Variants in GNAL observed in about 807,000 individuals in gnomAD.
GNAL encodes guanine nucleotide-binding protein G(olf) subunit alpha.
A neutral mutation model predicts 55.1 loss-of-function variants in GNAL; 18 were observed. The observed-to-expected ratio is 0.33, with a 90% CI of 0.23 to 0.48. The LOEUF (loss-of-function observed/expected upper bound fraction) is 0.48, where lower values mean the gene tolerates loss of function less well. GNAL is among the 20% of genes least tolerant of loss of function. The pLI is 0.99. For missense variants in GNAL, 412 were observed against 614.1 expected, an observed-to-expected ratio of 0.67 and a Z score of 3.48; for synonymous variants, 253 against 237.0, an observed-to-expected ratio of 1.07 and a Z score of -0.62.
chr18:11,779,341 C>T (rs2033867504), intron 4 of GNAL, among the ~76,000 whole-genome samples: 1 of 152,204 alleles, frequency 6.6e-6, no homozygotes, highest in African/African-American at 2.4e-5. Flanking sequence ...ATCTGTGCTA[C>T]TAACTGCACA....
chr18:11,843,275 G>T (rs2035658465), intron 5 of GNAL, among the ~76,000 whole-genome samples: 1 of 152,052 alleles, frequency 6.6e-6, no homozygotes, highest in Non-Finnish European at 1.5e-5. Flanking sequence ...AAGGTGGGTG[G>T]ATCACCTGAG....
At chr18:11,823,542 A>T (rs369405602) in intron 4 of GNAL, among the ~76,000 whole-genome samples, 1 of 152,182 alleles carries the variant, frequency 6.6e-6, no homozygotes, top group African/African-American at 2.4e-5. Context: ...TGTATTCATC[A>T]TTTAGCCTCT....
chr18:11,786,270 T>C (rs1448069005), intron 4 of GNAL, among the ~76,000 whole-genome samples: 1 of 151,806 alleles, frequency 6.6e-6, no homozygotes, highest in African/African-American at 2.4e-5. Context: ...GAGAAGAATA[T>C]GAAAGAGGAG....
rs1047810300 is a variant in GNAL, at chr18:11,689,512, G to C, written c.-52G>C. On this transcript the variant is annotated 5_prime_UTR_variant, in exon 1 of 12. Coordinates refer to ENST00000334049, the MANE Select transcript of GNAL (RefSeq NM_182978.4). ...TGGGCGCGGGAACCAGGCCGCCCTC[G>C]GCGCCCAGCCTGCCCTAGTCCCGCG... 4.2e-6 allele frequency: 4 copies of C among 946,792 alleles called. No homozygotes were observed. Among genetic ancestry groups the C allele is most frequent in the Admixed American group, 4.4e-5 (1 of 22,732 alleles). 58.6% of individuals were successfully genotyped at this position (946,792 alleles called of 1,614,324 possible).
intron 5 of GNAL, among the ~76,000 whole-genome samples, chr18:11,844,157 G>A (rs1434552093): frequency 6.6e-6 from 1 of 151,990 alleles, no homozygotes; most frequent in East Asian, 1.9e-4. Context: ...CTCAGGGCCG[G>A]GCACAGTGGC....
intron 4 of GNAL, among the ~76,000 whole-genome samples, chr18:11,794,600 C>T (rs887322290): frequency 9.9e-5 from 15 of 152,048 alleles, no homozygotes; most frequent in African/African-American, 3.4e-4. Context: ...GAGTGACCAC[C>T]TGGTGGGCAC....
At position 11,689,948 on chromosome 18, in the gene GNAL, C is replaced by A; in HGVS notation, c.376+9C>A. The A allele has an allele frequency of 1.6e-6, 2 of 1,284,204 alleles. No homozygotes were observed. The highest frequency in any genetic ancestry group is 2.4e-5 in the South Asian group (1 of 41,234). 79.6% of individuals were successfully genotyped at this position (1,284,204 alleles called of 1,614,324 possible). A position where few individuals can be genotyped will look rare whatever the true frequency, so the allele number is the denominator to read the frequency against. On this transcript the variant is annotated intron_variant, in intron 1 of 11. Transcript: ENST00000334049. The stretch of plus-strand genomic sequence containing the variant: ...CCGGCTCCTGCTGCTCGGTAGGTCC[C>A]GGCCGCGAGGTCGGCTGACGCCCCG...
chr18:11,746,756 GC>G, intron 1 of GNAL: 1 of 344,022 alleles, frequency 2.9e-6, no homozygotes. Flanking sequence ...GAGACGCAGT[GC>G]AAAATACACT....
At chr18:11,793,393 A>G (rs2034288837) in intron 4 of GNAL, among the ~76,000 whole-genome samples, 1 of 152,046 alleles carries the variant, frequency 6.6e-6, no homozygotes, top group Middle Eastern at 3.4e-3. Flanking sequence ...CTTGACAACA[A>G]TTGAGACTCC....
intron 6 of GNAL, among the ~76,000 whole-genome samples, chr18:11,862,655 C>G (rs982038407): frequency 5.9e-5 from 9 of 152,176 alleles, no homozygotes; most frequent in Admixed American, 2.6e-4. Flanking sequence ...TAGTGATTAT[C>G]AAAATTGCCA....
At chr18:11,852,448 T>C (rs2035898670) in intron 5 of GNAL, 1 of 267,954 alleles carries the variant, frequency 3.7e-6, no homozygotes, top group Admixed American at 5.0e-5. Flanking sequence ...AGGTGGTTGG[T>C]TTTTATTATT....
chr18:11,821,608 AG>A (rs1445605032), intron 4 of GNAL, among the ~76,000 whole-genome samples: 2 of 152,240 alleles, frequency 1.3e-5, no homozygotes, highest in African/African-American at 4.8e-5. Context: ...GGTATTGCGA[AG>A]GAAGTGAGAA....
Position 11,884,415 on chromosome 18 carries a change from G to A in GNAL, c.*3280G>A, listed in dbSNP as rs2036864794. On this transcript the variant is annotated 3_prime_UTR_variant, in exon 12 of 12. Transcript: ENST00000334049. ...TCTCTGCCCAAAGTTCCATTTCTTG[G>A]GCTTTGATATTTATAATGGCGCCTG... 1 of 1,603,508 alleles carries A rather than the reference G, an allele frequency of 6.2e-7. No homozygotes were observed. The highest frequency in any genetic ancestry group is 1.3e-5 in the African/African-American group (1 of 74,504).
In GNAL at chr18:11,786,436, C is replaced by CTTTTTTTTT. The variant is rs66803403; in HGVS notation, c.624+32513_624+32521dup. On this transcript the variant is annotated intron_variant, in intron 4 of 11. Transcript: ENST00000334049. ...GGTGGGATAGATCTTCATACGTTTTCTTTTTTTTTTTTTTTTTTTTTTTTT... is the reference window on the plus strand; with the variant it reads ...GGTGGGATAGATCTTCATACGTTTTCTTTTTTTTTTTTTTTTTTTTTTTTTTTTTTTTTT... 1.4e-3 allele frequency among the ~76,000 whole-genome samples: 87 copies of CTTTTTTTTT among 60,684 alleles called. 11 individuals carry two copies. Among genetic ancestry groups the CTTTTTTTTT allele is most frequent in the East Asian group, 2.1e-3 (4 of 1,864 alleles). The allele number at this position is 60,684 out of a possible 152,430, so 39.8% of individuals were successfully genotyped here.
chr18:11,858,750 A>G (rs1352665501), intron 5 of GNAL, among the ~76,000 whole-genome samples: 1 of 151,102 alleles, frequency 6.6e-6, no homozygotes, highest in Non-Finnish European at 1.5e-5. Context: ...TGAACTCGGT[A>G]CCATTCAGCA....
At chr18:11,746,859 C>A (rs2032699228) in intron 1 of GNAL, 1 of 532,248 alleles carries the variant, frequency 1.9e-6, no homozygotes, top group Non-Finnish European at 3.8e-6. Context: ...CATCATGAAA[C>A]CCTCTTGAAC....
chr18:11,837,300 T>TAG (rs1279449415), intron 5 of GNAL, among the ~76,000 whole-genome samples: 1 of 152,120 alleles, frequency 6.6e-6, no homozygotes, highest in African/African-American at 2.4e-5. Context: ...GATGTACATA[T>TAG]AGAGGTCCTT....
intron 4 of GNAL, among the ~76,000 whole-genome samples, chr18:11,773,525 G>A (rs1043052285): frequency 6.6e-5 from 10 of 152,120 alleles, no homozygotes; most frequent in Admixed American, 2.0e-4. Context: ...CAGCACTTGG[G>A]GAGTCCGAGG....
chr18:11,836,030 C>G (rs891997565), intron 5 of GNAL, among the ~76,000 whole-genome samples: 1 of 152,030 alleles, frequency 6.6e-6, no homozygotes, highest in Non-Finnish European at 1.5e-5. Flanking sequence ...ACCTGTAGTC[C>G]CAGCTACTCC....
Sources: allele counts gnomAD v4.1 joint callset (sites outside exome capture counted in the v4.1 genomes callset), GRCh38; gene constraint gnomAD v4.1.1; transcripts MANE v1.5; gene names NCBI Gene and HGNC (gene_info 2026-07-23, HGNC 2026-07-21).